The following RYR2 variants were observed in gnomAD, a reference collection of about 807,000 sequenced individuals.
RYR2 encodes cardiac muscle ryanodine receptor-calcium release channel.
RYR2 carries 227 observed loss-of-function variants against 601.1 expected under a neutral mutation model. The ratio of observed to expected loss-of-function variants is 0.38; its 90% CI spans 0.34 to 0.42. The LOEUF is 0.42. Among genes scored for constraint, RYR2 ranks in the 10% least tolerant of loss-of-function variants. The pLI is 1.00. For missense variants in RYR2, 4,646 were observed against 6,156.5 expected, an observed-to-expected ratio of 0.75 and a Z score of 8.21; for synonymous variants, 2,223 against 2,175.1, an observed-to-expected ratio of 1.02 and a Z score of -0.61.
rs142015033 is a variant in RYR2 at position 237,218,547 on chromosome 1, C to T, written c.49-51950C>T. ...TTTCTGGCATACTTTGCCATCAAGG[C>T]TTTTAATATAATTTTTTGCTCCTCA... On this transcript the variant is annotated intron_variant, in intron 1 of 104. Transcript: ENST00000366574. Among the ~76,000 whole-genome samples, 190 of 152,258 alleles carry T rather than the reference C, an allele frequency of 1.2e-3. 3 individuals carry two copies. Among genetic ancestry groups the T allele is most frequent in the African/African-American group, 4.5e-3 (185 of 41,560 alleles).
rs576970660 is a variant in RYR2 at position 237,713,239 on chromosome 1, C to G, written c.10323+1402C>G. On this transcript the variant is annotated intron_variant, in intron 71 of 104. Coordinates refer to ENST00000366574, the MANE Select transcript of RYR2 (RefSeq NM_001035.3). ...TCTCAAAGCACTACATGTCATAGAA[C>G]CTAGAGTGAGACATGCATAAAGATG... 5.3e-5 allele frequency among the ~76,000 whole-genome samples: 8 copies of G among 152,186 alleles called. No homozygotes were observed. In the South Asian group the frequency reaches 1.7e-3, roughly 32 times the overall value.
chr1:237,671,747 C>A (rs182968648), intron 58 of RYR2, among the ~76,000 whole-genome samples: 54 of 151,984 alleles, frequency 3.6e-4, no homozygotes, highest in African/African-American at 1.3e-3. Context: ...CTTTTGGAAT[C>A]TAGAAAAGTC....
At chr1:237,805,491 G>T (rs1046051423) in intron 98 of RYR2, among the ~76,000 whole-genome samples, 1 of 144,224 alleles carries the variant, frequency 6.9e-6, no homozygotes, top group African/African-American at 2.6e-5. Flanking sequence ...TGAGGCAGGA[G>T]AATGGCATGA....
intron 2 of RYR2, among the ~76,000 whole-genome samples, chr1:237,288,602 T>C (rs541986862): frequency 2.3e-3 from 357 of 151,994 alleles, no homozygotes; most frequent in Middle Eastern, 6.8e-3. Flanking sequence ...GGAAAGCCAG[T>C]AGTCACAGGC....
intron 21 of RYR2, among the ~76,000 whole-genome samples, chr1:237,501,463 A>G (rs17635736): frequency 0.027 from 4,142 of 152,070 alleles, 82 homozygotes; most frequent in Non-Finnish European, 0.041. Context: ...TTTTGCTATT[A>G]CCAGAGGGAA....
intron 26 of RYR2, among the ~76,000 whole-genome samples, chr1:237,549,496 C>T (rs1269630864): frequency 6.6e-6 from 1 of 151,956 alleles, no homozygotes; most frequent in African/African-American, 2.4e-5. Flanking sequence ...ATCACTTGAG[C>T]CCAGGAGGTT....
At chr1:237,284,477 C>T (rs796923264) in intron 2 of RYR2, among the ~76,000 whole-genome samples, 5 of 139,988 alleles carry the variant, frequency 3.6e-5, no homozygotes, top group African/African-American at 5.5e-5. Context: ...ACTATATATA[C>T]ATATATATAA....
In RYR2 at chr1:237,169,068, T is replaced by C. The variant is rs145519882; in HGVS notation, c.49-101429T>C. 6.2e-3 allele frequency among the ~76,000 whole-genome samples: 937 copies of C among 152,338 alleles called. 9 individuals are homozygous for C. The highest frequency in any genetic ancestry group is 0.033 in the South Asian group (158 of 4,826). Reference sequence around the variant, plus strand: ...GAATAGGAAATTTAAATACCTTGGGTATGTCATGGTTATTTCACTTTTTAA... The same window carrying C: ...GAATAGGAAATTTAAATACCTTGGGCATGTCATGGTTATTTCACTTTTTAA... On this transcript the variant is annotated intron_variant, in intron 1 of 104. Transcript: ENST00000366574.
chr1:237,827,471 C>G (rs1282082610), intron 101 of RYR2, among the ~76,000 whole-genome samples: 1 of 151,436 alleles, frequency 6.6e-6, no homozygotes, highest in Non-Finnish European at 1.5e-5. Flanking sequence ...CCTGTCTGTA[C>G]AAACAGAAAT....
rs369724732 is a variant in RYR2, at chr1:237,124,629, A to G, written c.48+82060A>G. Among the ~76,000 whole-genome samples, 76 of 152,250 alleles carry G rather than the reference A, an allele frequency of 5.0e-4. No individual in the cohort carries two copies. The South Asian group carries it at 0.016, about 32-fold the overall frequency. On this transcript the variant is annotated intron_variant, in intron 1 of 104. Transcript: ENST00000366574. ...GAGGTCATGCCATTCCATCTTCAAG[A>G]CCAGCAATGGCTAGTAGAGTCTTTC...
chr1:237,486,776 A>C (rs1222699409), intron 17 of RYR2, among the ~76,000 whole-genome samples: 1 of 152,208 alleles, frequency 6.6e-6, no homozygotes, highest in South Asian at 2.1e-4. Flanking sequence ...TTGGGAGAGA[A>C]GTATACAAAT....
chr1:237,222,246 C>G (rs776083924), intron 1 of RYR2, among the ~76,000 whole-genome samples: 8 of 152,062 alleles, frequency 5.3e-5, no homozygotes, highest in Non-Finnish European at 1.0e-4. Flanking sequence ...AACCCCATCT[C>G]TACTAAAATA....
intron 10 of RYR2, among the ~76,000 whole-genome samples, chr1:237,388,724 A>C (rs1702139564): frequency 6.6e-6 from 1 of 152,202 alleles, no homozygotes; most frequent in Non-Finnish European, 1.5e-5. Flanking sequence ...CTACTGAGAA[A>C]AGTGCACAAA....
At chr1:237,260,379 A>C (rs921314401) in intron 1 of RYR2, among the ~76,000 whole-genome samples, 3 of 152,334 alleles carry the variant, frequency 2.0e-5, no homozygotes, top group Admixed American at 2.0e-4. Context: ...GAACCCTCAG[A>C]GATATTTCAG....
chr1:237,821,074 G>T (rs1662444961), intron 101 of RYR2, among the ~76,000 whole-genome samples: 1 of 152,170 alleles, frequency 6.6e-6, no homozygotes, highest in South Asian at 2.1e-4. Flanking sequence ...GAGCACCTGG[G>T]GAAAGGGGTG....
At chr1:237,704,969 T>C (rs1473462149) in intron 66 of RYR2, among the ~76,000 whole-genome samples, 1 of 152,260 alleles carries the variant, frequency 6.6e-6, no homozygotes, top group African/African-American at 2.4e-5. Flanking sequence ...ACTAGTCCAA[T>C]CAGATATGAG....
intron 70 of RYR2, among the ~76,000 whole-genome samples, chr1:237,711,188 A>C (rs939585461): frequency 2.6e-5 from 4 of 152,210 alleles, no homozygotes; most frequent in Non-Finnish European, 5.9e-5. Flanking sequence ...AAAATATCTG[A>C]ATATGTACTT....
rs368359646 is a variant in RYR2 at position 237,448,640 on chromosome 1, T to C, written c.1292+3118T>C. On this transcript the variant is annotated intron_variant, in intron 14 of 104. Transcript: ENST00000366574. ...TTTCTCCTTGCTGCTTGTCACCTTT[T>C]CTTGGTGCATTTTGAAGCTCCGTTA... Among the ~76,000 whole-genome samples, 72 of 152,260 alleles carry C rather than the reference T, an allele frequency of 4.7e-4. 4 individuals are homozygous for C. The highest frequency in any genetic ancestry group is 1.7e-3 in the African/African-American group (71 of 41,562).
At chr1:237,609,199 T>C (rs1296105070) in intron 35 of RYR2, among the ~76,000 whole-genome samples, 2 of 89,522 alleles carry the variant, frequency 2.2e-5, no homozygotes, top group African/African-American at 3.2e-5. Context: ...TGCCCTCCTA[T>C]CTTCCTTGTC....
Sources: allele counts gnomAD v4.1 joint callset (sites outside exome capture counted in the v4.1 genomes callset), GRCh38; gene constraint gnomAD v4.1.1; transcripts MANE v1.5; gene names NCBI Gene and HGNC (gene_info 2026-07-23, HGNC 2026-07-21).